The following STRIT1 variants were observed in gnomAD, a reference collection of about 807,000 sequenced individuals.
STRIT1 encodes sarcoplasmic/endoplasmic reticulum calcium ATPase regulator DWORF.
At chr3:155,293,588 T>TG in intron 1 of STRIT1, 32 bp downstream of exon 1, 1 of 398,342 alleles carries the variant, frequency 2.5e-6, no homozygotes, top group African/African-American at 2.1e-5. Flanking sequence ...TTTTTTTTTT[T>TG]TGCCAAGAGA....
chr3:155,291,703 C>A (rs750318867), intron 1 of STRIT1, among the ~76,000 whole-genome samples: 1 of 152,064 alleles, frequency 6.6e-6, no homozygotes, highest in Non-Finnish European at 1.5e-5. Flanking sequence ...AGTAATAATC[C>A]AACACACACA....
chr3:155,292,013 T>G (rs536984135), intron 1 of STRIT1, among the ~76,000 whole-genome samples: 1 of 152,286 alleles, frequency 6.6e-6, no homozygotes, highest in South Asian at 2.1e-4. Flanking sequence ...GAATGCATAT[T>G]CTTAGCAATT....
intron 1 of STRIT1, among the ~76,000 whole-genome samples, chr3:155,292,495 TTTAA>T (rs1213373899): frequency 6.6e-6 from 1 of 152,186 alleles, no homozygotes; most frequent in African/African-American, 2.4e-5. Flanking sequence ...ATATTAACCC[TTTAA>T]TTGTGCATTT....
chr3:155,293,461 G>A (rs1336609872), intron 1 of STRIT1, among the ~76,000 whole-genome samples, 159 bp downstream of exon 1: 2 of 151,986 alleles, frequency 1.3e-5, no homozygotes, highest in Admixed American at 1.3e-4. Flanking sequence ...CATAATTAAT[G>A]CATTTTTGCA....
In STRIT1 at chr3:155,290,494, TGGGATTACA is replaced by T. The variant is rs1420264331; in HGVS notation, c.*348_*356del. On this transcript the variant is annotated 3_prime_UTR_variant, in exon 3 of 3. Transcript: ENST00000489090. ...GGCTCAAAGGATCCTCACAAAGTGC[TGGGATTACA>T]GGCATGAGCCACCTTGCACAGCCTC... is the stretch of plus-strand genomic sequence containing the variant. The T allele has an allele frequency of 6.9e-6, 1 of 144,626 alleles. No individual in the cohort carries two copies. The highest frequency in any genetic ancestry group is 1.5e-5 in the Non-Finnish European group (1 of 66,882). The allele number at this position is 144,626 out of a possible 1,614,324, so 9.0% of individuals were successfully genotyped here. A position where few individuals can be genotyped will look rare whatever the true frequency, so the allele number is the denominator to read the frequency against.
rs1247141779 is a variant in STRIT1 at position 155,290,673 on chromosome 3, C to T, written c.*178G>A. 3.8e-6 allele frequency: 1 copy of T among 263,168 alleles called. No homozygotes were observed. Among genetic ancestry groups the T allele is most frequent in the Non-Finnish European group, 7.1e-6 (1 of 141,372 alleles). 16.3% of individuals were successfully genotyped at this position (263,168 alleles called of 1,614,324 possible). Reference sequence around the variant, plus strand: ...CACTCAGAATATAGAGAAATTCACTCATAATTTCTTATTGTCCTGAAGAAA... The same window carrying T: ...CACTCAGAATATAGAGAAATTCACTTATAATTTCTTATTGTCCTGAAGAAA... On this transcript the variant is annotated 3_prime_UTR_variant, in exon 3 of 3. Coordinates refer to ENST00000489090, the MANE Select transcript of STRIT1 (RefSeq NM_001352129.2).
chr3:155,292,261 G>A (rs1001515847), intron 1 of STRIT1, among the ~76,000 whole-genome samples: 6 of 152,118 alleles, frequency 3.9e-5, no homozygotes, highest in African/African-American at 1.4e-4. Flanking sequence ...CTGTGACCTT[G>A]TATAAGGCAT....
intron 1 of STRIT1, among the ~76,000 whole-genome samples, chr3:155,292,540 T>G (rs1236632142): frequency 6.6e-6 from 1 of 152,134 alleles, no homozygotes; most frequent in Non-Finnish European, 1.5e-5. Flanking sequence ...TTAATAAAAT[T>G]TACATATCAC....
chr3:155,291,980 C>T (rs1347814468), intron 1 of STRIT1, among the ~76,000 whole-genome samples: 2 of 152,124 alleles, frequency 1.3e-5, no homozygotes, highest in Non-Finnish European at 2.9e-5. Flanking sequence ...ATAATTAGAT[C>T]TTATGCCATT....
chr3:155,290,910 A>C (rs1715619985), intron 2 of STRIT1, 30 bp downstream of exon 2: 1 of 398,350 alleles, frequency 2.5e-6, no homozygotes, highest in African/African-American at 2.1e-5. Flanking sequence ...TTTAGACTAT[A>C]AATAAACATT....
At chr3:155,293,064 T>A (rs1223425456) in intron 1 of STRIT1, among the ~76,000 whole-genome samples, 2 of 152,168 alleles carry the variant, frequency 1.3e-5, no homozygotes, top group Non-Finnish European at 2.9e-5. Flanking sequence ...ATTTCTTAGA[T>A]ACAGTATATA....
At position 155,290,439 on chromosome 3, in the gene STRIT1, T is replaced by C. The variant is rs1227797916; in HGVS notation, c.*412A>G. The C allele has an allele frequency of 7.5e-6, 1 of 133,944 alleles. No homozygotes were observed. The highest frequency in any genetic ancestry group is 2.7e-5 in the African/African-American group (1 of 36,514). 8.3% of individuals were successfully genotyped at this position (133,944 alleles called of 1,614,324 possible). A position where few individuals can be genotyped will look rare whatever the true frequency, so the allele number is the denominator to read the frequency against. On this transcript the variant is annotated 3_prime_UTR_variant, in exon 3 of 3. Coordinates refer to ENST00000489090, the MANE Select transcript of STRIT1 (RefSeq NM_001352129.2). Reference sequence around the variant, plus strand: ...TTTTTTTGTAGAGATGGGGTCTCTCTCTGTCGCCTAGGAAGGTCTCCAATT... The same window carrying C: ...TTTTTTTGTAGAGATGGGGTCTCTCCCTGTCGCCTAGGAAGGTCTCCAATT...
rs1448377042 is a variant in STRIT1, at chr3:155,291,025, A to T, written c.27T>A (p.Phe9Leu). Reference protein sequence around the residue: MAEKAGSTFSHLLVPILLL... With the variant: MAEKAGSTLSHLLVPILLL... ...GAAGAATAGGAACCAGAAGGTGTGA[A>T]AATGTAGACCCCGCTTTAAAATAAA... The change falls in exon 2 of 3, where the codon TTT becomes TTA. Residue 9 changes from phenylalanine to leucine, a missense_variant. Transcript: ENST00000489090. The T allele has an allele frequency of 2.5e-6, 1 of 398,584 alleles. No individual in the cohort carries two copies. The highest frequency in any genetic ancestry group is 2.1e-5 in the African/African-American group (1 of 48,618). The allele number at this position is 398,584 out of a possible 1,614,324, so 24.7% of individuals were successfully genotyped here.
Position 155,290,854 on chromosome 3 carries a change from A to T in STRIT1, c.*5-8T>A, listed in dbSNP as rs531456936. On this transcript the variant is annotated splice_polypyrimidine_tract_variant and splice_region_variant and intron_variant, in intron 2 of 2. Transcript: ENST00000489090. ...AATCTGATATCTTCTTGCCTGAAAGACAAAACATTCCATTAGTAAAATAGA... is the reference window on the plus strand; with the variant it reads ...AATCTGATATCTTCTTGCCTGAAAGTCAAAACATTCCATTAGTAAAATAGA... 1 of 396,098 alleles carries T rather than the reference A, an allele frequency of 2.5e-6. No homozygotes were observed. The highest frequency in any genetic ancestry group is 1.4e-4 in the South Asian group (1 of 7,344). 24.5% of individuals were successfully genotyped at this position (396,098 alleles called of 1,614,324 possible).
chr3:155,293,499 C>A (rs1326772392), intron 1 of STRIT1, 121 bp downstream of exon 1: 2 of 396,392 alleles, frequency 5.0e-6, no homozygotes, highest in South Asian at 2.7e-4. Flanking sequence ...GGTTAATGGT[C>A]ATTTAGCATA....
Position 155,291,011 on chromosome 3 carries a change from AC to A in STRIT1, c.40del (p.Val14PhefsTer6). On this transcript the variant is annotated frameshift_variant, in exon 2 of 3. Coordinates refer to ENST00000489090, the MANE Select transcript of STRIT1 (RefSeq NM_001352129.2). LOFTEE classifies it high-confidence loss of function. ...CCAGCCAATCAGGAGAAGAATAGGA[AC>A]CAGAAGGTGTGAAAATGTAGACCCC... ...KAGSTFSHLLVPILLLIGWIV... is the reference protein window; with the variant it reads ...KAGSTFSHLLXPILLLIGWIV... 1 of 398,774 alleles carries A rather than the reference AC, an allele frequency of 2.5e-6. No individual in the cohort carries two copies. The highest frequency in any genetic ancestry group is 6.3e-4 in the Middle Eastern group (1 of 1,582). 24.7% of individuals were successfully genotyped at this position (398,774 alleles called of 1,614,324 possible).
At position 155,290,640 on chromosome 3, in the gene STRIT1, A is replaced by AT. The variant is rs1044348774; in HGVS notation, c.*210dup. 1.5e-5 allele frequency: 3 copies of AT among 204,174 alleles called. No homozygotes were observed. The highest frequency in any genetic ancestry group is 1.2e-4 in the Admixed American group (2 of 16,808). The allele number at this position is 204,174 out of a possible 1,614,324, so 12.6% of individuals were successfully genotyped here. ...CATGCATTTTTCATCACAGCTAAAC[A>AT]TTTTTCTCACTCAGAATATAGAGAA... On this transcript the variant is annotated 3_prime_UTR_variant, in exon 3 of 3. Coordinates refer to ENST00000489090, the MANE Select transcript of STRIT1 (RefSeq NM_001352129.2).
rs577827239 is a variant in STRIT1, at chr3:155,290,559, G to A, written c.*292C>T. On this transcript the variant is annotated 3_prime_UTR_variant, in exon 3 of 3. Coordinates refer to ENST00000489090, the MANE Select transcript of STRIT1 (RefSeq NM_001352129.2). ...ACTTTCTCTATAGTTTTTTCCAGAG[G>A]GAAGGGGGGATAATTTTTTGTAATG... The A allele has an allele frequency of 6.6e-6, 1 of 151,612 alleles. No homozygotes were observed. Among genetic ancestry groups the A allele is most frequent in the East Asian group, 1.9e-4 (1 of 5,166 alleles). The allele number at this position is 151,612 out of a possible 1,614,324, so 9.4% of individuals were successfully genotyped here.
intron 1 of STRIT1, 158 bp from the exon 2 acceptor site, chr3:155,291,196 G>A (rs73873110): frequency 5.2e-6 from 2 of 382,304 alleles, no homozygotes; most frequent in Non-Finnish European, 9.2e-6. Context: ...CAGAGAATAC[G>A]TGAGACTGTC....
Sources: allele counts gnomAD v4.1 joint callset (sites outside exome capture counted in the v4.1 genomes callset), GRCh38; gene constraint gnomAD v4.1.1; transcripts MANE v1.5; gene names NCBI Gene and HGNC (gene_info 2026-07-23, HGNC 2026-07-21).